Variants in TMEM132E observed in about 807,000 individuals in gnomAD.
The protein encoded by TMEM132E is transmembrane protein 132E.
Under a neutral mutation model 78.5 loss-of-function variants are expected in TMEM132E, and 49 were observed. The observed-to-expected ratio is 0.62, with a 90% CI of 0.50 to 0.79. TMEM132E has a LOEUF of 0.79. Ranked by LOEUF, TMEM132E falls within the 30% of genes least tolerant of loss-of-function variation. The probability of loss-of-function intolerance (pLI) is 0.00; values close to 1 mark genes in which losing one functional copy is unlikely to be tolerated. For missense variants in TMEM132E, 1,403 were observed against 1,470.9 expected (o/e 0.95, Z 0.75); for synonymous variants, 715 against 670.6 (o/e 1.07, Z -1.02).
intron 1 of TMEM132E, among the ~76,000 whole-genome samples, chr17:34,622,478 C>T (rs922180415): frequency 6.6e-6 from 1 of 152,228 alleles, no homozygotes; most frequent in Non-Finnish European, 1.5e-5. Flanking sequence ...TTTCCGGCTC[C>T]CTCTTCTGAA....
At position 34,637,394 on chromosome 17, in the gene TMEM132E, C is replaced by G. The variant is rs1210954113; in HGVS notation, c.2387C>G (p.Thr796Ser). 3 of 1,613,804 alleles carry G rather than the reference C, an allele frequency of 1.9e-6. No individual in the cohort carries two copies. The African/African-American group carries it at 4.0e-5, about 22-fold the overall frequency. The change falls in exon 9 of 9, where the codon ACC becomes AGC. Residue 796 changes from threonine to serine, a missense_variant. Physicochemically the swap from Thr to Ser is moderately conservative, Grantham distance 58. This residue lies in a region of TMEM132E where 888 missense variants were observed against 952.8 expected (regional missense o/e 0.93). Transcript: ENST00000631683. ...ACCATCGCTGAGAGCTGCCAGAAAA[C>G]CAAACGCAAGAGTGTGCTCGCCACG... ...ELTIAESCQK[T>S]KRKSVLATTP...
chr17:34,630,187 G>GAGTAGA (rs1567720970), intron 5 of TMEM132E, 36 bp downstream of exon 5: 1 of 1,597,216 alleles, frequency 6.3e-7, no homozygotes, highest in South Asian at 1.1e-5. Context: ...TGGGGAAGAA[G>GAGTAGA]CCCTAGGCCT....
In TMEM132E at chr17:34,637,707, C is replaced by T. The variant is rs770489188; in HGVS notation, c.2700C>T (p.Leu900=). The T allele has an allele frequency of 2.5e-6, 4 of 1,612,780 alleles. No individual in the cohort carries two copies. In the Admixed American group the frequency reaches 5.0e-5, roughly 20 times the overall value. Residue 900 remains leucine (L), a synonymous_variant, in exon 9 of 9, where the codon CTC becomes CTT. Transcript: ENST00000631683. ...ACGCGCTGCTGGGCGTCTTCTGCCT[C>T]GCCATCCTCGTCTTCCTCATCAACT... The part of the protein sequence containing the change: ...GMYALLGVFC[L]AILVFLINCI...
chr17:34,581,032 C>G lies in TMEM132E; in HGVS notation c.-45C>G. On this transcript the variant is annotated 5_prime_UTR_variant, in exon 1 of 9. Transcript: ENST00000631683. The stretch of plus-strand genomic sequence containing the variant: ...CAAGCCCAGCCTGGGGCCAAGTCGT[C>G]GTCGACTGTTGCTCTCTCGGACCCC... The G allele has an allele frequency of 6.7e-7, 1 of 1,500,906 alleles. No homozygotes were observed. Among genetic ancestry groups the G allele is most frequent in the Non-Finnish European group, 8.9e-7 (1 of 1,122,828 alleles). 93.0% of individuals were successfully genotyped at this position (1,500,906 alleles called of 1,614,324 possible).
At chr17:34,623,331 G>A (rs1469748627) in intron 1 of TMEM132E, among the ~76,000 whole-genome samples, 1 of 152,254 alleles carries the variant, frequency 6.6e-6, no homozygotes, top group Admixed American at 6.5e-5. Context: ...GAGGGCAAAG[G>A]GGACTAAGTG....
intron 1 of TMEM132E, among the ~76,000 whole-genome samples, chr17:34,619,183 C>CTCAT (rs774401750): frequency 1.6e-4 from 24 of 152,152 alleles, no homozygotes; most frequent in East Asian, 3.8e-4. Flanking sequence ...CATGCCCCCT[C>CTCAT]TCATTCATTC....
chr17:34,607,588 T>A (rs914763747), intron 1 of TMEM132E, among the ~76,000 whole-genome samples: 1 of 152,080 alleles, frequency 6.6e-6, no homozygotes, highest in Non-Finnish European at 1.5e-5. Context: ...ACTCCACAGG[T>A]TAAAGACTCA....
chr17:34,629,849 G>A (rs1907291401), intron 4 of TMEM132E, among the ~76,000 whole-genome samples, 159 bp from the exon 5 acceptor site: 2 of 152,138 alleles, frequency 1.3e-5, no homozygotes, highest in Admixed American at 6.5e-5. Flanking sequence ...GTGCCAGGAG[G>A]GGTGGTTGCC....
intron 1 of TMEM132E, among the ~76,000 whole-genome samples, chr17:34,584,630 A>G (rs1905601204): frequency 6.6e-6 from 1 of 152,136 alleles, no homozygotes; most frequent in African/African-American, 2.4e-5. Context: ...GAAGAAATGG[A>G]TGGGGTAGGA....
At chr17:34,586,541 G>A (rs541324666) in intron 1 of TMEM132E, among the ~76,000 whole-genome samples, 6 of 151,270 alleles carry the variant, frequency 4.0e-5, no homozygotes, top group Non-Finnish European at 5.9e-5. Flanking sequence ...TGCAACAAGT[G>A]GGGGGGGACA....
intron 1 of TMEM132E, among the ~76,000 whole-genome samples, chr17:34,595,760 G>A (rs547836440): frequency 2.0e-5 from 3 of 152,168 alleles, no homozygotes; most frequent in Admixed American, 2.0e-4. Context: ...TCACATGAGG[G>A]TATTGACAGG....
chr17:34,598,815 G>A (rs1332123486), intron 1 of TMEM132E, among the ~76,000 whole-genome samples: 1 of 152,216 alleles, frequency 6.6e-6, no homozygotes, highest in African/African-American at 2.4e-5. Context: ...GCTGGGACCT[G>A]GCCCTGGCCT....
In TMEM132E at chr17:34,626,422, G is replaced by A. The variant is rs541603154; in HGVS notation, c.363G>A (p.Thr121=). The change falls in exon 2 of 9, where the codon ACG becomes ACA. Residue 121 remains threonine (T), a synonymous_variant. Coordinates refer to ENST00000631683, the MANE Select transcript of TMEM132E (RefSeq NM_001304438.2). The part of the protein sequence containing the change: ...SSTLDIPERL[T]VNWKVRAFIV... ...CCCTGGACATCCCCGAGCGCCTGAC[G>A]GTGAACTGGAAGGTGCGGGCCTTCA... 1.5e-5 allele frequency: 25 copies of A among 1,613,412 alleles called. No homozygotes were observed. In the South Asian group the frequency reaches 2.5e-4, roughly 16 times the overall value.
At chr17:34,599,123 GC>G (rs1001562778) in intron 1 of TMEM132E, among the ~76,000 whole-genome samples, 7 of 152,192 alleles carry the variant, frequency 4.6e-5, no homozygotes, top group Non-Finnish European at 8.8e-5. Context: ...CAAACCTTAG[GC>G]AAAACCTTGC....
chr17:34,615,632 C>T (rs1226877525), intron 1 of TMEM132E, among the ~76,000 whole-genome samples: 1 of 151,784 alleles, frequency 6.6e-6, no homozygotes, highest in East Asian at 1.9e-4. Context: ...TCCACACAGA[C>T]CATGTGTAAG....
rs950830640 is a variant in TMEM132E, at chr17:34,584,420, T to C, written c.67+3277T>C. On this transcript the variant is annotated intron_variant, in intron 1 of 8. Transcript: ENST00000631683. ...GTCCCCATACCCTGATAGAAATAAA[T>C]GAACTTTTTCCATGACTTCTTTGGT... Among the ~76,000 whole-genome samples the C allele has an allele frequency of 2.0e-5, 3 of 152,214 alleles. No homozygotes were observed. The South Asian group carries it at 6.2e-4, about 32-fold the overall frequency.
intron 1 of TMEM132E, among the ~76,000 whole-genome samples, chr17:34,602,105 C>G (rs1906260465): frequency 6.6e-6 from 1 of 152,228 alleles, no homozygotes; most frequent in Non-Finnish European, 1.5e-5. Context: ...ACTTCCTCAG[C>G]CCATTAGGCT....
At chr17:34,623,578 C>T (rs530475927) in intron 1 of TMEM132E, among the ~76,000 whole-genome samples, 3 of 152,352 alleles carry the variant, frequency 2.0e-5, no homozygotes, top group Admixed American at 6.5e-5. Flanking sequence ...GGCTGCTCTG[C>T]AGGTCCCAGA....
intron 1 of TMEM132E, among the ~76,000 whole-genome samples, chr17:34,604,009 G>A (rs1906327950): frequency 6.6e-6 from 1 of 152,080 alleles, no homozygotes; most frequent in Non-Finnish European, 1.5e-5. Flanking sequence ...ACTCCCTCCT[G>A]CCCTGGAGCC....
Sources: allele counts gnomAD v4.1 joint callset (sites outside exome capture counted in the v4.1 genomes callset), GRCh38; gene constraint gnomAD v4.1.1; regional missense constraint gnomAD v4.1.1; transcripts MANE v1.5; gene names NCBI Gene and HGNC (gene_info 2026-07-23, HGNC 2026-07-21).